The following B9D1 variants were observed in gnomAD, a reference collection of about 807,000 sequenced individuals.
B9D1 encodes B9 domain containing 1.
In B9D1, 20 loss-of-function variants were observed where a neutral mutation model predicts 26.1. The ratio of observed to expected loss-of-function variants is 0.77; its 90% CI spans 0.54 to 1.12. The LOEUF is 1.12. B9D1 is among the 50% of genes most tolerant of loss of function. The pLI is 0.00. For synonymous variants in B9D1, 105 were observed against 103.1 expected (o/e 1.02, Z -0.11); for missense variants, 260 against 273.7 (o/e 0.95, Z 0.35).
At chr17:19,373,808 T>G (rs1186368772) in intron 1 of B9D1, among the ~76,000 whole-genome samples, 2 of 152,170 alleles carry the variant, frequency 1.3e-5, no homozygotes, top group African/African-American at 4.8e-5. Context: ...ATTACAGGCG[T>G]GAGTCACCGC....
chr17:19,335,513 TA>T, downstream of B9D1: 1 of 1,529,414 alleles, frequency 6.5e-7, no homozygotes, highest in Non-Finnish European at 8.8e-7. Context: ...ACGCTCAGGC[TA>T]AAGATGGGGA....
rs1199046883 is a variant in B9D1, at chr17:19,359,192, C to A, written c.132+1128G>T. On this transcript the variant is annotated intron_variant, in intron 2 of 6. Transcript: ENST00000261499. This position sits in a 1 kb window ranked among gnomAD's most constrained non-coding sequence, Gnocchi z 5.0. Reference sequence around the variant, plus strand: ...CTTGTCGTAGAAGCCAGGGAATCTTCTAAAAACATAAGTCAGATCACTTTC... The same window carrying A: ...CTTGTCGTAGAAGCCAGGGAATCTTATAAAAACATAAGTCAGATCACTTTC... Among the ~76,000 whole-genome samples, 2 of 152,216 alleles carry A rather than the reference C, an allele frequency of 1.3e-5. No individual in the cohort carries two copies. The highest frequency in any genetic ancestry group is 4.8e-5 in the African/African-American group (2 of 41,464).
At chr17:19,337,697 G>C, downstream of B9D1, 1 of 1,532,518 alleles carries the variant, frequency 6.5e-7, no homozygotes. Context: ...AGGGACTCAA[G>C]CCGCTTTCAT....
At chr17:19,375,248 C>T (rs913053144) in intron 1 of B9D1, among the ~76,000 whole-genome samples, 49 of 151,488 alleles carry the variant, frequency 3.2e-4, no homozygotes, top group Admixed American at 8.5e-4. Context: ...TGAGATCCTA[C>T]CACCGCACTC....
intron 2 of B9D1, 24 bp downstream of exon 2, chr17:19,360,296 G>C: frequency 6.2e-7 from 1 of 1,612,326 alleles, no homozygotes; most frequent in Non-Finnish European, 8.5e-7. Flanking sequence ...AAGGCGGTAA[G>C]GGAGGCCCAA....
intron 3 of B9D1, among the ~76,000 whole-genome samples, chr17:19,348,238 G>A (rs1909122965): frequency 6.6e-6 from 1 of 152,130 alleles, no homozygotes; most frequent in Non-Finnish European, 1.5e-5. Flanking sequence ...CTGCTCTCTG[G>A]GTGCTCCCTT....
chr17:19,377,714 G>A, intron 1 of B9D1: 3 of 402,010 alleles, frequency 7.5e-6, no homozygotes, highest in Non-Finnish European at 1.0e-5. Flanking sequence ...TTTTGGGGTG[G>A]GTCGGGACAG....
downstream of B9D1, among the ~76,000 whole-genome samples, chr17:19,338,283 C>A (rs1004334470): frequency 3.9e-5 from 6 of 152,214 alleles, no homozygotes; most frequent in Admixed American, 1.3e-4. Flanking sequence ...GGGCTCTGCC[C>A]CCTGGTGGGG....
intron 6 of B9D1, 95 bp downstream of exon 6, chr17:19,343,695 G>A: frequency 6.2e-7 from 1 of 1,612,258 alleles, no homozygotes; most frequent in Non-Finnish European, 8.5e-7. Flanking sequence ...TATGTGCCTG[G>A]CAGGTCCCCG....
At chr17:19,369,261 A>G (rs1268835070) in intron 1 of B9D1, among the ~76,000 whole-genome samples, 1 of 152,020 alleles carries the variant, frequency 6.6e-6, no homozygotes, top group Admixed American at 6.6e-5. Flanking sequence ...CCAGGCAAAG[A>G]GCATAGTCGG....
intron 5 of B9D1, among the ~76,000 whole-genome samples, chr17:19,344,919 A>G (rs1598050605): frequency 6.6e-6 from 1 of 152,214 alleles, no homozygotes; most frequent in African/African-American, 2.4e-5. Flanking sequence ...GGGCAGCCAC[A>G]ACCCCTGCGC....
rs528087739 is a variant in B9D1 at position 19,343,708 on chromosome 17, A to T, written c.472+82T>A. On this transcript the variant is annotated intron_variant, in intron 6 of 6. Transcript: ENST00000261499. ...CCTATGTGCCTGGCAGGTCCCCGGC[A>T]TTCACCCCAACCCTGGGCCCACCCA... is the stretch of plus-strand genomic sequence containing the variant. 242 of 1,613,386 alleles carry T rather than the reference A, an allele frequency of 1.5e-4. 2 individuals are homozygous for T. In the South Asian group the frequency reaches 2.5e-3, roughly 17 times the overall value.
At position 19,346,430 on chromosome 17, in the gene B9D1, G is replaced by C. The variant is rs537458959; in HGVS notation, c.404+839C>G. Reference sequence around the variant, plus strand: ...CCCAGTACTGGCCAGGCTCGCAGGGGCTGCTTGCCGGCTGCTGCCCTGGAA... The same window carrying C: ...CCCAGTACTGGCCAGGCTCGCAGGGCCTGCTTGCCGGCTGCTGCCCTGGAA... On this transcript the variant is annotated intron_variant, in intron 5 of 6. Coordinates refer to ENST00000261499, the MANE Select transcript of B9D1 (RefSeq NM_015681.6). 2.6e-5 allele frequency among the ~76,000 whole-genome samples: 4 copies of C among 152,372 alleles called. No homozygotes were observed. In the South Asian group the frequency reaches 8.3e-4, roughly 32 times the overall value.
At chr17:19,367,307 T>TC (rs1176281340), upstream of B9D1, among the ~76,000 whole-genome samples, 2 of 124,934 alleles carry the variant, frequency 1.6e-5, no homozygotes, top group Non-Finnish European at 3.3e-5. Context: ...CTAAAATCAA[T>TC]CTTTTTTTTT....
chr17:19,340,687 G>A (rs1478449962), downstream of B9D1, among the ~76,000 whole-genome samples: 1 of 151,318 alleles, frequency 6.6e-6, no homozygotes, highest in Non-Finnish European at 1.5e-5. Flanking sequence ...TACTCGGGAG[G>A]CTGAGGCAGG....
chr17:19,339,133 A>T (rs1374708811), downstream of B9D1, among the ~76,000 whole-genome samples: 1 of 152,198 alleles, frequency 6.6e-6, no homozygotes, highest in Non-Finnish European at 1.5e-5. Flanking sequence ...AAGTTTTATT[A>T]TGCCTTTATT....
Position 19,362,622 on chromosome 17 carries a change from G to C in B9D1, c.-53C>G. On this transcript the variant is annotated 5_prime_UTR_variant, in exon 1 of 7. Coordinates refer to ENST00000261499, the MANE Select transcript of B9D1 (RefSeq NM_015681.6). The stretch of plus-strand genomic sequence containing the variant: ...CACCTAGGCCGCGCGCGGTTGCTAA[G>C]AGACGCCGGCGTTGCCCTAGAAACA... 1 of 1,568,830 alleles carries C rather than the reference G, an allele frequency of 6.4e-7. No individual in the cohort carries two copies. The highest frequency in any genetic ancestry group is 2.3e-5 in the East Asian group (1 of 43,192).
Position 19,352,119 on chromosome 17 carries a change from C to T in B9D1, c.245-4239G>A, listed in dbSNP as rs572943162. Among the ~76,000 whole-genome samples, 8 of 152,200 alleles carry T rather than the reference C, an allele frequency of 5.3e-5. No individual in the cohort carries two copies. The South Asian group carries it at 6.2e-4, about 12-fold the overall frequency. On this transcript the variant is annotated intron_variant, in intron 3 of 6. Transcript: ENST00000261499. ...CAGGTTAGTCTTGAACTCCTGGGCT[C>T]AAGCGATCCTACCGCCTCAGCCTCC...
intron 3 of B9D1, chr17:19,357,595 C>A: frequency 1.8e-6 from 1 of 550,224 alleles, no homozygotes; most frequent in South Asian, 1.9e-5. Flanking sequence ...GGCCACTAGC[C>A]CTGATGCACT....
Sources: gnomAD v4.1 joint callset for allele counts (sites outside exome capture counted in the v4.1 genomes callset) on GRCh38, gnomAD v4.1.1 for gene constraint, Gnocchi (gnomAD v3.1) non-coding constraint, MANE v1.5 for transcripts, NCBI Gene and HGNC (gene_info 2026-07-23, HGNC 2026-07-21) for gene names.